CWF19L2: variants seen among roughly 807,000 people sequenced by gnomAD.
The protein encoded by CWF19L2 is CWF19 like cell cycle control factor 2, also known as CWF19-like protein 2.
A neutral mutation model predicts 111.7 loss-of-function variants in CWF19L2; 98 were observed. That is an observed-to-expected ratio of 0.88 (90% CI 0.75 to 1.04). CWF19L2 has a LOEUF of 1.04. Among genes scored for constraint, CWF19L2 ranks in the 50% least tolerant of loss-of-function variants. The pLI is 0.00. For missense variants in CWF19L2, 1,101 were observed against 1,051.4 expected, an observed-to-expected ratio of 1.05 and a Z score of -0.65; for synonymous variants, 351 against 342.9, an observed-to-expected ratio of 1.02 and a Z score of -0.26.
chr11:107,433,216 T>C (rs531205544), intron 7 of CWF19L2, among the ~76,000 whole-genome samples: 1 of 152,272 alleles, frequency 6.6e-6, no homozygotes, highest in South Asian at 2.1e-4. Context: ...TTCTAAAATA[T>C]ATACTGTTGC....
intron 11 of CWF19L2, 128 bp downstream of exon 11, chr11:107,392,651 T>C: frequency 1.8e-6 from 1 of 556,854 alleles, no homozygotes; most frequent in East Asian, 3.4e-5. Context: ...AACAACATCA[T>C]TTCCTACCTT....
chr11:107,347,107 G>GAT (rs1860091675), intron 14 of CWF19L2, among the ~76,000 whole-genome samples: 1 of 152,114 alleles, frequency 6.6e-6, no homozygotes, highest in Non-Finnish European at 1.5e-5. Context: ...AATAAATTTA[G>GAT]AGGGAACCAA....
rs1384812132 is a variant in CWF19L2 at position 107,367,269 on chromosome 11, C to T, written c.1873-13533G>A. Among the ~76,000 whole-genome samples the T allele has an allele frequency of 8.9e-5, 12 of 134,690 alleles. 1 individual carries two copies. Among genetic ancestry groups the T allele is most frequent in the Non-Finnish European group, 1.3e-4 (8 of 62,976 alleles). 88.4% of individuals were successfully genotyped at this position (134,690 alleles called of 152,430 possible). Reference sequence around the variant, plus strand: ...TCAACCATTGTGGAAGTCAGTGTGGCGATTCCTCGGGGATCTAGAACTAGA... The same window carrying T: ...TCAACCATTGTGGAAGTCAGTGTGGTGATTCCTCGGGGATCTAGAACTAGA... On this transcript the variant is annotated intron_variant, in intron 12 of 17. Transcript: ENST00000282251.
At chr11:107,369,507 AG>A (rs1287324555) in intron 12 of CWF19L2, among the ~76,000 whole-genome samples, 1 of 137,868 alleles carries the variant, frequency 7.3e-6, no homozygotes, top group Non-Finnish European at 1.6e-5. Context: ...AAAGACACAT[AG>A]GCTTGACTTA....
chr11:107,434,145 A>G (rs1861507862), intron 6 of CWF19L2, among the ~76,000 whole-genome samples: 1 of 151,820 alleles, frequency 6.6e-6, no homozygotes, highest in Non-Finnish European at 1.5e-5. Context: ...TTGGGTTTCT[A>G]TTTCAAACAG....
At chr11:107,405,852 AG>A (rs1371430798) in intron 10 of CWF19L2, among the ~76,000 whole-genome samples, 7 of 142,874 alleles carry the variant, frequency 4.9e-5, no homozygotes, top group African/African-American at 1.9e-4. Flanking sequence ...AAAAAAAAAA[AG>A]AAGAAGAAGA....
intron 1 of CWF19L2, among the ~76,000 whole-genome samples, chr11:107,456,875 CCT>C (rs1452423055): frequency 1.3e-5 from 2 of 152,134 alleles, no homozygotes; most frequent in Non-Finnish European, 2.9e-5. Context: ...GCTGCTTCAC[CCT>C]CAAATTATTT....
At position 107,369,643 on chromosome 11, in the gene CWF19L2, G is replaced by A. The variant is rs1012081110; in HGVS notation, c.1873-15907C>T. On this transcript the variant is annotated intron_variant, in intron 12 of 17. Transcript: ENST00000282251. ...AAATATTCACAATAATTTATTACTA[G>A]AAGAAAGTAAGGACACTGATTCCAT... is the stretch of plus-strand genomic sequence containing the variant. 6.5e-5 allele frequency among the ~76,000 whole-genome samples: 9 copies of A among 137,700 alleles called. 2 individuals are homozygous for A. The highest frequency in any genetic ancestry group is 2.6e-4 in the African/African-American group (9 of 34,584). The allele number at this position is 137,700 out of a possible 152,430, so 90.3% of individuals were successfully genotyped here.
chr11:107,361,341 T>A (rs1370719096), intron 12 of CWF19L2, among the ~76,000 whole-genome samples: 1 of 152,270 alleles, frequency 6.6e-6, no homozygotes, highest in African/African-American at 2.4e-5. Context: ...AGTACCAAGC[T>A]GTTTTGGTTA....
At chr11:107,361,413 G>C (rs1461832494) in intron 12 of CWF19L2, among the ~76,000 whole-genome samples, 2 of 151,874 alleles carry the variant, frequency 1.3e-5, no homozygotes, top group African/African-American at 4.8e-5. Context: ...TTGCAGCTTT[G>C]GGTTTTTTTT....
chr11:107,388,442 G>T (rs1451568329), intron 12 of CWF19L2, among the ~76,000 whole-genome samples: 2 of 151,978 alleles, frequency 1.3e-5, no homozygotes, highest in Non-Finnish European at 2.9e-5. Flanking sequence ...GAATGCAGTG[G>T]CACGATCTCA....
chr11:107,406,548 C>T (rs553655801), intron 10 of CWF19L2, among the ~76,000 whole-genome samples: 1 of 152,192 alleles, frequency 6.6e-6, no homozygotes, highest in African/African-American at 2.4e-5. Flanking sequence ...CACAGGACTG[C>T]ATCTGCCCAA....
At chr11:107,407,313 G>GC (rs1462635598) in intron 10 of CWF19L2, among the ~76,000 whole-genome samples, 3 of 150,414 alleles carry the variant, frequency 2.0e-5, no homozygotes. Flanking sequence ...CCTTGGGTTT[G>GC]TTTTTTTTCC....
intron 12 of CWF19L2, among the ~76,000 whole-genome samples, chr11:107,361,462 T>C (rs1441827648): frequency 6.6e-6 from 1 of 152,192 alleles, no homozygotes; most frequent in Admixed American, 6.5e-5. Flanking sequence ...ATTAAGGCTC[T>C]TTTTTGGTTC....
At chr11:107,389,093 C>A (rs585461) in intron 12 of CWF19L2, among the ~76,000 whole-genome samples, 120,619 of 152,202 alleles carry the variant, frequency 0.79, 48,542 homozygotes, top group African/African-American at 0.94. Context: ...TACTTACGTA[C>A]TTATGTGAAT....
chr11:107,365,209 G>A (rs996467522), intron 12 of CWF19L2, among the ~76,000 whole-genome samples: 2 of 149,246 alleles, frequency 1.3e-5, no homozygotes, highest in African/African-American at 5.0e-5. Flanking sequence ...AAGAGTCCAG[G>A]ACCAGATGGA....
chr11:107,401,364 A>C (rs1860996735), intron 10 of CWF19L2, among the ~76,000 whole-genome samples: 1 of 152,212 alleles, frequency 6.6e-6, no homozygotes, highest in South Asian at 2.1e-4. Context: ...AGAATGCAGC[A>C]AAGTTTCTGG....
chr11:107,404,956 C>T (rs1274747539), intron 10 of CWF19L2, among the ~76,000 whole-genome samples: 1 of 152,160 alleles, frequency 6.6e-6, no homozygotes, highest in Non-Finnish European at 1.5e-5. Flanking sequence ...AAACAATGAG[C>T]AAGTTCCCAA....
chr11:107,430,284 G>T (rs1416924161), intron 7 of CWF19L2, among the ~76,000 whole-genome samples: 1 of 151,200 alleles, frequency 6.6e-6, no homozygotes, highest in Non-Finnish European at 1.5e-5. Context: ...ATGGATAGGG[G>T]TAGATAAATA....
Sources: allele counts gnomAD v4.1 joint callset (sites outside exome capture counted in the v4.1 genomes callset), GRCh38; gene constraint gnomAD v4.1.1; transcripts MANE v1.5; gene names NCBI Gene and HGNC (gene_info 2026-07-23, HGNC 2026-07-21).